Variants in SLC24A3 observed in about 807,000 individuals in gnomAD.
SLC24A3 encodes the protein solute carrier family 24 member 3.
Under a neutral mutation model 75.8 loss-of-function variants are expected in SLC24A3, and 28 were observed. The observed-to-expected ratio is 0.37, with a 90% CI of 0.27 to 0.51. The LOEUF (loss-of-function observed/expected upper bound fraction) is 0.51, where lower values mean the gene tolerates loss of function less well. SLC24A3 is among the 20% of genes least tolerant of loss of function. SLC24A3 has a pLI of 0.94. For missense variants in SLC24A3, 663 were observed against 847.8 expected, an observed-to-expected ratio of 0.78 and a Z score of 2.71; for synonymous variants, 372 against 334.1, an observed-to-expected ratio of 1.11 and a Z score of -1.24.
intron 2 of SLC24A3, among the ~76,000 whole-genome samples, chr20:19,509,989 A>G (rs1988513330): frequency 6.6e-6 from 1 of 152,222 alleles, no homozygotes; most frequent in African/African-American, 2.4e-5. Flanking sequence ...CTGTGATACC[A>G]AATTGCTTTA....
intron 6 of SLC24A3, among the ~76,000 whole-genome samples, chr20:19,606,737 G>A (rs115903905): frequency 0.012 from 1,783 of 152,304 alleles, 41 homozygotes; most frequent in African/African-American, 0.041. Flanking sequence ...GAATGCCCAT[G>A]GCATAGAAGG....
At chr20:19,617,983 GT>G (rs1468215294) in intron 6 of SLC24A3, among the ~76,000 whole-genome samples, 1 of 151,046 alleles carries the variant, frequency 6.6e-6, no homozygotes, top group Middle Eastern at 3.2e-3. Context: ...GTTTTGTTGT[GT>G]TTTTGTTTTT....
intron 1 of SLC24A3, among the ~76,000 whole-genome samples, chr20:19,247,896 G>C (rs1474191269): frequency 6.6e-6 from 1 of 152,146 alleles, no homozygotes; most frequent in African/African-American, 2.4e-5. Flanking sequence ...CTAATTGTGT[G>C]GTTTGGGGTT....
intron 2 of SLC24A3, among the ~76,000 whole-genome samples, chr20:19,328,099 G>A (rs1220764276): frequency 6.6e-6 from 1 of 152,060 alleles, no homozygotes; most frequent in East Asian, 1.9e-4. Context: ...GAGGGAGGGA[G>A]CCATGGAGAG....
At chr20:19,586,275 T>A (rs1427809984) in intron 6 of SLC24A3, among the ~76,000 whole-genome samples, 1 of 152,214 alleles carries the variant, frequency 6.6e-6, no homozygotes, top group East Asian at 1.9e-4. Context: ...CCAACTCTGA[T>A]ATCCTAAATT....
intron 1 of SLC24A3, among the ~76,000 whole-genome samples, chr20:19,246,555 A>G (rs1473158917): frequency 6.6e-6 from 1 of 152,204 alleles, no homozygotes; most frequent in Non-Finnish European, 1.5e-5. Flanking sequence ...TTTTTCTAGA[A>G]AAGTATAACA....
chr20:19,244,201 T>G (rs1982416326), intron 1 of SLC24A3: 1 of 152,214 alleles, frequency 6.6e-6, no homozygotes, highest in Non-Finnish European at 1.5e-5. Context: ...GCATTCATCT[T>G]AATTCAATGA....
At chr20:19,602,786 G>T (rs1295228217) in intron 6 of SLC24A3, among the ~76,000 whole-genome samples, 1 of 152,156 alleles carries the variant, frequency 6.6e-6, no homozygotes, top group Non-Finnish European at 1.5e-5. Flanking sequence ...AAACCAGATG[G>T]CAAAGGCACG....
chr20:19,674,154 A>G (rs2122730238), intron 9 of SLC24A3, among the ~76,000 whole-genome samples: 1 of 152,330 alleles, frequency 6.6e-6, no homozygotes, highest in African/African-American at 2.4e-5. Flanking sequence ...TGGAGTTATC[A>G]TGAGGTAACT....
chr20:19,486,475 A>G (rs1988129517), intron 2 of SLC24A3, among the ~76,000 whole-genome samples: 1 of 152,238 alleles, frequency 6.6e-6, no homozygotes, highest in Non-Finnish European at 1.5e-5. Context: ...TCCGAAAGAA[A>G]GTATCTGCCT....
chr20:19,527,718 A>G (rs2030224341), intron 3 of SLC24A3, among the ~76,000 whole-genome samples: 1 of 152,236 alleles, frequency 6.6e-6, no homozygotes, highest in Admixed American at 6.5e-5. Flanking sequence ...TGCATTTCAC[A>G]GTTTAAGAGT....
intron 2 of SLC24A3, among the ~76,000 whole-genome samples, chr20:19,327,917 G>A (rs1187803842): frequency 1.3e-5 from 2 of 152,140 alleles, no homozygotes; most frequent in African/African-American, 2.4e-5. Flanking sequence ...GGGGTGGTGG[G>A]GGCTGGTGGT....
chr20:19,592,385 T>A (rs1398898167), intron 6 of SLC24A3, among the ~76,000 whole-genome samples: 1 of 152,224 alleles, frequency 6.6e-6, no homozygotes, highest in Non-Finnish European at 1.5e-5. Flanking sequence ...TCTGTCCAAT[T>A]TATTTCCATA....
intron 6 of SLC24A3, among the ~76,000 whole-genome samples, chr20:19,638,465 C>A (rs948339610): frequency 5.9e-5 from 9 of 152,086 alleles, no homozygotes; most frequent in Non-Finnish European, 1.2e-4. Context: ...GGAATAAAGT[C>A]CTTAAGATAC....
chr20:19,218,610 C>T (rs1187786595), intron 1 of SLC24A3, among the ~76,000 whole-genome samples: 1 of 151,998 alleles, frequency 6.6e-6, no homozygotes, highest in African/African-American at 2.4e-5. Flanking sequence ...TGTCTCTTTC[C>T]TCTTGGCTTT....
chr20:19,678,742 C>T (rs997084688), intron 9 of SLC24A3, among the ~76,000 whole-genome samples: 1 of 149,044 alleles, frequency 6.7e-6, no homozygotes, highest in Non-Finnish European at 1.5e-5. Context: ...CCTCATTTCT[C>T]AGACGGGGCG....
chr20:19,281,017 G>A lies in SLC24A3; in HGVS notation c.201G>A (p.Leu67=). The part of the protein sequence containing the change: ...EDRKWMMARK[L]MQVNDTLTSE... ...GAAAGTGGATGATGGCGAGGAAGCT[G>A]ATGCAGGTGAACGACACTCTGACTT... Residue 67 remains leucine (L), a synonymous_variant, in exon 2 of 17, where the codon CTG becomes CTA. Transcript: ENST00000328041. 1 of 1,614,156 alleles carries A rather than the reference G, an allele frequency of 6.2e-7. No individual in the cohort carries two copies. Among genetic ancestry groups the A allele is most frequent in the Non-Finnish European group, 8.5e-7 (1 of 1,180,010 alleles).
intron 12 of SLC24A3, among the ~76,000 whole-genome samples, chr20:19,691,055 T>A (rs2032739298): frequency 6.6e-6 from 1 of 152,164 alleles, no homozygotes; most frequent in Non-Finnish European, 1.5e-5. Flanking sequence ...TTCAATCAGG[T>A]GCTAAACAAG....
intron 6 of SLC24A3, among the ~76,000 whole-genome samples, chr20:19,606,125 C>T (rs2031594440): frequency 6.6e-6 from 1 of 152,242 alleles, no homozygotes; most frequent in Non-Finnish European, 1.5e-5. Context: ...TGTGGCAGCA[C>T]ACCCAAAACT....
Sources: allele counts gnomAD v4.1 joint callset (sites outside exome capture counted in the v4.1 genomes callset), GRCh38; gene constraint gnomAD v4.1.1; transcripts MANE v1.5; gene names NCBI Gene and HGNC (gene_info 2026-07-23, HGNC 2026-07-21).